Variants in TMEM175 observed in about 807,000 individuals in gnomAD.
TMEM175 encodes the protein transmembrane protein 175.
In TMEM175, 36 loss-of-function variants were observed where a neutral mutation model predicts 36.5. The observed-to-expected ratio is 0.99, with a 90% CI of 0.76 to 1.30. TMEM175 has a LOEUF of 1.30. Among genes scored for constraint, TMEM175 ranks in the 50% most tolerant of loss-of-function variants. TMEM175 has a pLI of 0.00. For synonymous variants in TMEM175, 339 were observed against 313.4 expected (o/e 1.08, Z -0.86); for missense variants, 705 against 692.8 (o/e 1.02, Z -0.20).
chr4:941,585 C>T (rs181740431), intron 1 of TMEM175, among the ~76,000 whole-genome samples: 21 of 151,858 alleles, frequency 1.4e-4, no homozygotes, highest in South Asian at 6.3e-4. Context: ...ATTACAGACG[C>T]GTACCACCAC....
At chr4:946,495 C>A (rs1410581943) in intron 1 of TMEM175, among the ~76,000 whole-genome samples, 1 of 151,626 alleles carries the variant, frequency 6.6e-6, no homozygotes, top group Non-Finnish European at 1.5e-5. Context: ...GCTGCCCACT[C>A]GGGTGCAGGG....
Position 953,230 on chromosome 4 carries a change from T to G in TMEM175, c.503T>G (p.Leu168Arg). The G allele has an allele frequency of 6.2e-7, 1 of 1,613,524 alleles. No individual in the cohort carries two copies. Among genetic ancestry groups the G allele is most frequent in the Non-Finnish European group, 8.5e-7 (1 of 1,179,670 alleles). Reference protein sequence around the residue: ...VGYAFHFPHLLSPQIQRSAHR... With the variant: ...VGYAFHFPHLRSPQIQRSAHR... Reference sequence around the variant, plus strand: ...TACGCATTCCACTTCCCGCACCTGCTGAGCCCGCAGATCCAGCGCTCTGCC... The same window carrying G: ...TACGCATTCCACTTCCCGCACCTGCGGAGCCCGCAGATCCAGCGCTCTGCC... The change falls in exon 8 of 11, where the codon CTG (leucine) becomes CGG (arginine). Residue 168 changes from leucine (L) to arginine (R), a missense_variant. Coordinates refer to ENST00000264771, the MANE Select transcript of TMEM175 (RefSeq NM_032326.4).
Position 952,421 on chromosome 4 carries a change from G to A in TMEM175, c.433G>A (p.Val145Met), listed in dbSNP as rs878865711. The A allele has an allele frequency of 6.2e-7, 1 of 1,607,880 alleles. No homozygotes were observed. Among genetic ancestry groups the A allele is most frequent in the South Asian group, 1.1e-5 (1 of 90,764 alleles). Reference sequence around the variant, plus strand: ...GCCTCTGGGCATCTTCTTGTTCTGTGTGTGTGTGATCGCCATTGGGGTCGT... The same window carrying A: ...GCCTCTGGGCATCTTCTTGTTCTGTATGTGTGTGATCGCCATTGGGGTCGT... ...DVPLGIFLFCVCVIAIGVVQA... is the reference protein window; with the variant it reads ...DVPLGIFLFCMCVIAIGVVQA... The change falls in exon 7 of 11, where the codon GTG becomes ATG. Residue 145 changes from valine (V) to methionine (M), a missense_variant. Val to Met is a conservative substitution (Grantham distance 21, BLOSUM62 1). Coordinates refer to ENST00000264771, the MANE Select transcript of TMEM175 (RefSeq NM_032326.4).
chr4:948,603 T>A (rs1376762894), intron 3 of TMEM175: 10 of 1,299,890 alleles, frequency 7.7e-6, no homozygotes, highest in Non-Finnish European at 9.0e-6. Context: ...CGGCTGCTCC[T>A]GCAGGCCTGG....
intron 7 of TMEM175, 49 bp from the exon 8 acceptor site, chr4:953,141 G>A (rs755099593): frequency 6.5e-7 from 1 of 1,539,626 alleles, no homozygotes; most frequent in Non-Finnish European, 8.8e-7. Flanking sequence ...TGCTGTGGGG[G>A]CCCCCTCTGC....
intron 5 of TMEM175, 83 bp downstream of exon 5, chr4:951,341 C>T (rs1327510264): frequency 2.0e-6 from 3 of 1,509,228 alleles, no homozygotes; most frequent in African/African-American, 1.4e-5. Flanking sequence ...GAGCAGCCGG[C>T]CTCTCTCGTG....
intron 6 of TMEM175, chr4:952,123 G>A: frequency 1.7e-6 from 1 of 597,508 alleles, no homozygotes; most frequent in East Asian, 2.8e-5. Context: ...CTGGGGTCTG[G>A]GGAATTCCGT....
intron 1 of TMEM175, among the ~76,000 whole-genome samples, chr4:937,861 T>C (rs4690328): frequency 0.72 from 108,819 of 152,060 alleles, 39,135 homozygotes; most frequent in South Asian, 0.85. Flanking sequence ...GTGGGATATC[T>C]CAAGAGGGCA....
Position 953,901 on chromosome 4 carries a change from G to C in TMEM175, c.627+547G>C, listed in dbSNP as rs143760891. Among the ~76,000 whole-genome samples, 10 of 152,322 alleles carry C rather than the reference G, an allele frequency of 6.6e-5. No homozygotes were observed. In the East Asian group the frequency reaches 1.9e-3, roughly 29 times the overall value. On this transcript the variant is annotated intron_variant, in intron 8 of 10. Transcript: ENST00000264771. ...GAGTCTTGCTATATTGCCCAGGTTA[G>C]TCTGGAATGCCTGGACTAAAGTGAT... is the stretch of plus-strand genomic sequence containing the variant.
rs559238418 is a variant in TMEM175, at chr4:946,936, C to T, written c.-31-773C>T. Among the ~76,000 whole-genome samples the T allele has an allele frequency of 6.3e-4, 86 of 137,142 alleles. 1 individual carries two copies. The highest frequency in any genetic ancestry group is 1.4e-3 in the Admixed American group (19 of 13,760). The allele number at this position is 137,142 out of a possible 152,430, so 90.0% of individuals were successfully genotyped here. The stretch of plus-strand genomic sequence containing the variant: ...AGGCACGCGTGCACAGGCGCCGAGA[C>T]CGAGGGAGAGCACGGCCCCTGTAGG... On this transcript the variant is annotated intron_variant, in intron 1 of 10. Transcript: ENST00000264771.
In TMEM175 at chr4:958,433, C is replaced by T. The variant is rs150458323; in HGVS notation, c.1452C>T (p.His484=). Residue 484 remains histidine (H), a synonymous_variant, in exon 11 of 11, where the codon CAC becomes CAT. Transcript: ENST00000264771. The part of the protein sequence containing the change: ...RVLRGLARPE[H]PPPAPTGQDD... ...TGCGGGGCCTCGCCCGGCCCGAACA[C>T]CCCCCGCCAGCCCCCACGGGCCAGG... 7.8e-4 allele frequency: 1,234 copies of T among 1,591,116 alleles called. 10 individuals are homozygous for T. The African/African-American group carries it at 0.015, about 19-fold the overall frequency.
At position 950,212 on chromosome 4, in the gene TMEM175, A is replaced by G. The variant is rs144689171; in HGVS notation, c.193-209A>G. On this transcript the variant is annotated intron_variant, in intron 3 of 10. Transcript: ENST00000264771. ...GGGGGCTGCAGGTGCCAGGGGAGACAGACCAGCTGGAGACGGAGGCTGGAC... is the reference window on the plus strand; with the variant it reads ...GGGGGCTGCAGGTGCCAGGGGAGACGGACCAGCTGGAGACGGAGGCTGGAC... Among the ~76,000 whole-genome samples the G allele has an allele frequency of 4.7e-3, 714 of 152,182 alleles. 2 individuals carry two copies. Among genetic ancestry groups the G allele is most frequent in the Non-Finnish European group, 8.7e-3 (589 of 67,984 alleles).
rs1729019855 is a variant in TMEM175, at chr4:952,458, G to T, written c.462+8G>T. 1 of 1,578,236 alleles carries T rather than the reference G, an allele frequency of 6.3e-7. No individual in the cohort carries two copies. The highest frequency in any genetic ancestry group is 1.1e-5 in the South Asian group (1 of 88,464). ...GCCATTGGGGTCGTGCAGGTAGGGG[G>T]CCTGGGGGGCCTGCACTGTGTGTGT... On this transcript the variant is annotated splice_region_variant and intron_variant, in intron 7 of 10. Coordinates refer to ENST00000264771, the MANE Select transcript of TMEM175 (RefSeq NM_032326.4).
At chr4:936,535 G>T (rs1726797545) in intron 1 of TMEM175, among the ~76,000 whole-genome samples, 1 of 152,158 alleles carries the variant, frequency 6.6e-6, no homozygotes, top group African/African-American at 2.4e-5. Context: ...TCAGGAATGA[G>T]AAATGACATC....
chr4:947,087 C>T (rs1426557542), intron 1 of TMEM175, among the ~76,000 whole-genome samples: 3 of 116,132 alleles, frequency 2.6e-5, no homozygotes, highest in South Asian at 3.1e-4. Flanking sequence ...CTGTAGAGAA[C>T]AGACAGCCCC....
rs1322974075 is a variant in TMEM175 at position 958,085 on chromosome 4, GC to G, written c.1108del (p.Arg370AlafsTer71). The G allele has an allele frequency of 1.9e-6, 3 of 1,607,460 alleles. No homozygotes were observed. The highest frequency in any genetic ancestry group is 2.2e-5 in the East Asian group (1 of 44,868). On this transcript the variant is annotated frameshift_variant, in exon 11 of 11. Transcript: ENST00000264771. LOFTEE classifies it low-confidence loss of function (END_TRUNC). ...AGCAGACCTCGGCCTTCGCCCGGCA[GC>G]CCCGCGATGAGCTGGAGCGCGTGCG... The part of the protein sequence containing the change: ...YQQTSAFARQ[P>X]RDELERVRVS...
At position 953,307 on chromosome 4, in the gene TMEM175, G is replaced by T. The variant is rs201556111; in HGVS notation, c.580G>T (p.Ala194Ser). Residue 194 changes from alanine to serine, a missense_variant, in exon 8 of 11, where the codon GCC becomes TCC. Transcript: ENST00000264771. The stretch of plus-strand genomic sequence containing the variant: ...CCTGGGCATCGTCCTCCAAGGCCCG[G>T]CCCTGTGCTTTGCAGCGGCCATCTT... ...HVLGIVLQGPALCFAAAIFSL... is the reference protein window; with the variant it reads ...HVLGIVLQGPSLCFAAAIFSL... 1.4e-5 allele frequency: 22 copies of T among 1,614,058 alleles called. No individual in the cohort carries two copies. In the East Asian group the frequency reaches 3.3e-4, roughly 25 times the overall value.
intron 9 of TMEM175, 100 bp downstream of exon 9, chr4:955,583 T>C (rs1241813096): frequency 1.7e-5 from 24 of 1,444,818 alleles, no homozygotes; most frequent in Middle Eastern, 2.2e-4. Flanking sequence ...GAGGCCCGTG[T>C]GCGTGGTGGT....
At chr4:933,374 G>T (rs1340047769) in intron 1 of TMEM175, among the ~76,000 whole-genome samples, 1 of 152,138 alleles carries the variant, frequency 6.6e-6, no homozygotes, top group African/African-American at 2.4e-5. Flanking sequence ...GAGCGTGGTG[G>T]CGGGTGCCTG....
Sources: gnomAD v4.1 joint callset for allele counts (sites outside exome capture counted in the v4.1 genomes callset) on GRCh38, gnomAD v4.1.1 for gene constraint, MANE v1.5 for transcripts, NCBI Gene and HGNC (gene_info 2026-07-23, HGNC 2026-07-21) for gene names.